The following TBC1D8 variants were observed in gnomAD, a reference collection of about 807,000 sequenced individuals.
The protein encoded by TBC1D8 is BUB2-like protein 1.
TBC1D8 carries 65 observed loss-of-function variants against 118.8 expected under a neutral mutation model. That is an observed-to-expected ratio of 0.55 (90% confidence interval 0.45 to 0.67). The LOEUF (loss-of-function observed/expected upper bound fraction) is 0.67. Among genes scored for constraint, TBC1D8 ranks in the 30% least tolerant of loss-of-function variants. The pLI, the probability that TBC1D8 is intolerant of heterozygous loss-of-function variation, is 0.00. For missense variants in TBC1D8, 1,376 were observed against 1,471.2 expected, an observed-to-expected ratio of 0.94 and a Z score of 1.06; for synonymous variants, 566 against 595.8, an observed-to-expected ratio of 0.95 and a Z score of 0.73.
At chr2:101,033,925 A>T (rs1680836295) in intron 9 of TBC1D8, among the ~76,000 whole-genome samples, 167 bp from the exon 10 acceptor site, 1 of 152,124 alleles carries the variant, frequency 6.6e-6, no homozygotes, top group Admixed American at 6.5e-5. Context: ...GCATTTTGGG[A>T]GGCCGAGGCG....
intron 2 of TBC1D8, among the ~76,000 whole-genome samples, chr2:101,087,701 A>T (rs1675732661): frequency 6.6e-6 from 1 of 151,954 alleles, no homozygotes; most frequent in South Asian, 2.1e-4. Context: ...AAAAGCATTA[A>T]ATCAATGTAT....
In TBC1D8 at chr2:101,043,513, T is replaced by C. The variant is rs187850914; in HGVS notation, c.873-3128A>G. ...CTTCCTTCCTAGCTGGGCATCTCTT[T>C]CCCCTTAGGACATGGCTGAAGCCAA... On this transcript the variant is annotated intron_variant, in intron 5 of 19. Coordinates refer to ENST00000409318, the MANE Select transcript of TBC1D8 (RefSeq NM_001330348.2). Among the ~76,000 whole-genome samples, 6 of 152,294 alleles carry C rather than the reference T, an allele frequency of 3.9e-5. No individual in the cohort carries two copies. In the East Asian group the frequency reaches 9.7e-4, roughly 25 times the overall value.
At chr2:101,069,587 AAAAAC>A (rs1326352174) in intron 2 of TBC1D8, among the ~76,000 whole-genome samples, 1 of 152,214 alleles carries the variant, frequency 6.6e-6, no homozygotes, top group Non-Finnish European at 1.5e-5. Context: ...ACTCCATCTC[AAAAAC>A]AAAACAAAAC....
chr2:101,038,712 T>C, intron 6 of TBC1D8, 57 bp from the exon 7 acceptor site: 2 of 1,580,572 alleles, frequency 1.3e-6, no homozygotes, highest in Non-Finnish European at 1.7e-6. Context: ...GGCATGTTAT[T>C]ACATATGCAG....
At chr2:101,051,123 G>A (rs1178616546) in intron 4 of TBC1D8, among the ~76,000 whole-genome samples, 1 of 152,194 alleles carries the variant, frequency 6.6e-6, no homozygotes, top group African/African-American at 2.4e-5. Context: ...ATTCCATGGT[G>A]TACATGTGCC....
chr2:101,041,612 T>C (rs1188975640), intron 5 of TBC1D8, among the ~76,000 whole-genome samples: 1 of 152,126 alleles, frequency 6.6e-6, no homozygotes, highest in Non-Finnish European at 1.5e-5. Flanking sequence ...TGCTCTAAAA[T>C]TGATTGTGGT....
At chr2:101,079,568 G>A (rs890595943) in intron 2 of TBC1D8, among the ~76,000 whole-genome samples, 2 of 150,760 alleles carry the variant, frequency 1.3e-5, no homozygotes, top group African/African-American at 4.9e-5. Flanking sequence ...TAGAAACAGG[G>A]TCTTGCTATG....
chr2:101,051,787 A>G (rs1682089707), intron 4 of TBC1D8, among the ~76,000 whole-genome samples: 1 of 152,252 alleles, frequency 6.6e-6, no homozygotes, highest in South Asian at 2.1e-4. Flanking sequence ...CAGAATGGCT[A>G]TTACTAAAAA....
chr2:101,118,506 C>CCAATG (rs1553423009), intron 1 of TBC1D8, among the ~76,000 whole-genome samples: 3 of 151,322 alleles, frequency 2.0e-5, no homozygotes, highest in Non-Finnish European at 4.4e-5. Context: ...ACCATCCTGG[C>CCAATG]TAACACGGTG....
chr2:101,050,250 G>C (rs1681977039), intron 5 of TBC1D8, 151 bp downstream of exon 5: 2 of 1,148,984 alleles, frequency 1.7e-6, no homozygotes, highest in Non-Finnish European at 2.4e-6. Context: ...TCTCTGTCGA[G>C]ATTAACGACA....
chr2:101,117,874 C>CTTTTT (rs35760018), intron 1 of TBC1D8, among the ~76,000 whole-genome samples: 2 of 116,204 alleles, frequency 1.7e-5, no homozygotes, highest in Admixed American at 9.3e-5. Flanking sequence ...CGCACCCGGC[C>CTTTTT]TTTTTTTTTT....
intron 1 of TBC1D8, among the ~76,000 whole-genome samples, chr2:101,104,553 A>G (rs1677071941): frequency 6.6e-6 from 1 of 152,226 alleles, no homozygotes; most frequent in African/African-American, 2.4e-5. Context: ...ATCGTTGACT[A>G]AAAAGCAAAG....
intron 1 of TBC1D8, among the ~76,000 whole-genome samples, chr2:101,150,517 C>A (rs1679510270): frequency 6.6e-6 from 1 of 152,158 alleles, no homozygotes; most frequent in Non-Finnish European, 1.5e-5. Context: ...TTTTTCCTAT[C>A]ATTCCTTGTA....
At chr2:101,013,889 C>A (rs1189134700) in intron 17 of TBC1D8, among the ~76,000 whole-genome samples, 1 of 152,194 alleles carries the variant, frequency 6.6e-6, no homozygotes, top group Non-Finnish European at 1.5e-5. Flanking sequence ...CAGTATAGGG[C>A]CTTCCTCTCA....
intron 8 of TBC1D8, 67 bp from the exon 9 acceptor site, chr2:101,036,235 C>A (rs757331551): frequency 2.5e-5 from 39 of 1,567,564 alleles, no homozygotes; most frequent in Non-Finnish European, 3.1e-5. Flanking sequence ...CACCGATGCA[C>A]CGCTGGCAAT....
intron 2 of TBC1D8, among the ~76,000 whole-genome samples, chr2:101,077,055 G>C (rs879628119): frequency 3.3e-5 from 5 of 152,162 alleles, no homozygotes; most frequent in South Asian, 2.1e-4. Flanking sequence ...ACGGAGTCTC[G>C]CTCTGTCGCC....
intron 1 of TBC1D8, among the ~76,000 whole-genome samples, chr2:101,124,806 T>C (rs1678280834): frequency 6.6e-6 from 1 of 152,076 alleles, no homozygotes; most frequent in African/African-American, 2.4e-5. Context: ...AATACTACAA[T>C]CAGAGAGTGA....
intron 2 of TBC1D8, among the ~76,000 whole-genome samples, chr2:101,070,547 G>A (rs543062766): frequency 2.6e-5 from 4 of 151,888 alleles, no homozygotes; most frequent in Non-Finnish European, 5.9e-5. Flanking sequence ...CTAGGAGCTA[G>A]GATTACAGGT....
chr2:101,067,610 C>T (rs1356555831), intron 2 of TBC1D8, among the ~76,000 whole-genome samples: 1 of 152,162 alleles, frequency 6.6e-6, no homozygotes, highest in Non-Finnish European at 1.5e-5. Context: ...TACTTTATGG[C>T]TTAAAAAAAC....
Sources: allele counts gnomAD v4.1 joint callset (sites outside exome capture counted in the v4.1 genomes callset), GRCh38; gene constraint gnomAD v4.1.1; transcripts MANE v1.5; gene names NCBI Gene and HGNC (gene_info 2026-07-23, HGNC 2026-07-21).